The following JAM3 variants were observed in gnomAD, a reference collection of about 807,000 sequenced individuals.
JAM3 encodes the protein junctional adhesion molecule 3, also known as junctional adhesion molecule C.
Under a neutral mutation model 39.4 loss-of-function variants are expected in JAM3, and 31 were observed. The ratio of observed to expected loss-of-function variants is 0.79; its 90% CI spans 0.59 to 1.06. The LOEUF (loss-of-function observed/expected upper bound fraction) is 1.06, where lower values mean the gene tolerates loss of function less well. Among genes scored for constraint, JAM3 ranks in the 50% least tolerant of loss-of-function variants. The probability of loss-of-function intolerance (pLI) is 0.00; values close to 1 mark genes in which losing one functional copy is unlikely to be tolerated. For synonymous variants in JAM3, 182 were observed against 148.7 expected (o/e 1.22, Z -1.63); for missense variants, 455 against 391.4 (o/e 1.16, Z -1.37).
chr11:134,111,392 T>G (rs747170070), intron 1 of JAM3, among the ~76,000 whole-genome samples: 4 of 152,016 alleles, frequency 2.6e-5, no homozygotes, highest in African/African-American at 4.8e-5. Flanking sequence ...TCCGCCCACC[T>G]CGGCCTCCCA....
chr11:134,091,831 T>G (rs1295579439), intron 1 of JAM3, among the ~76,000 whole-genome samples: 3 of 120,320 alleles, frequency 2.5e-5, no homozygotes, highest in Non-Finnish European at 4.8e-5. Context: ...TGTTTGGGGG[T>G]GTGGGTTTTT....
chr11:134,133,776 C>T (rs929413021), intron 1 of JAM3, among the ~76,000 whole-genome samples: 1 of 152,128 alleles, frequency 6.6e-6, no homozygotes, highest in Non-Finnish European at 1.5e-5. Flanking sequence ...TTCCCCCCTA[C>T]ACACACACCT....
chr11:134,121,979 A>G (rs867673918), intron 1 of JAM3, among the ~76,000 whole-genome samples: 7 of 152,190 alleles, frequency 4.6e-5, no homozygotes, highest in Non-Finnish European at 7.3e-5. Context: ...TTGAGTCTAT[A>G]TTAATGGAAT....
rs968612725 is a variant in JAM3 at position 134,150,710 on chromosome 11, G to A, written c.*1529G>A. 2.6e-5 allele frequency: 4 copies of A among 152,044 alleles called. No homozygotes were observed. The highest frequency in any genetic ancestry group is 4.4e-5 in the Non-Finnish European group (3 of 68,016). The allele number at this position is 152,044 out of a possible 1,614,324, so 9.4% of individuals were successfully genotyped here. On this transcript the variant is annotated 3_prime_UTR_variant, in exon 9 of 9. Coordinates refer to ENST00000299106, the MANE Select transcript of JAM3 (RefSeq NM_032801.5). ...AGGCCAAAGGCAATTGCGAAATCAA[G>A]TCTGTCAAGTACAATAACATTTTTA...
At chr11:134,131,672 G>A (rs1942772764) in intron 1 of JAM3, among the ~76,000 whole-genome samples, 1 of 152,090 alleles carries the variant, frequency 6.6e-6, no homozygotes, top group Admixed American at 6.6e-5. Context: ...AACACCTAAG[G>A]GGAGAACATG....
chr11:134,108,929 T>G (rs1471862338), intron 1 of JAM3, among the ~76,000 whole-genome samples: 1 of 152,144 alleles, frequency 6.6e-6, no homozygotes, highest in Non-Finnish European at 1.5e-5. Context: ...ATATTATTGG[T>G]AGAAACCAGA....
At chr11:134,078,576 T>C (rs909240889) in intron 1 of JAM3, among the ~76,000 whole-genome samples, 1 of 152,096 alleles carries the variant, frequency 6.6e-6, no homozygotes, top group Non-Finnish European at 1.5e-5. Context: ...TTATGTGAGA[T>C]CTCGTTGTTG....
rs1943044244 is a variant in JAM3, at chr11:134,144,948, G to T, written c.566G>T (p.Arg189Ile). ...PLPTDSRANPRFRNSSFHLNS... is the reference protein window; with the variant it reads ...PLPTDSRANPIFRNSSFHLNS... ...CCCACGGATTCCAGAGCCAATCCCA[G>T]ATTTCGCAATTCTTCTTTCCACTTA... is the stretch of plus-strand genomic sequence containing the variant. Residue 189 changes from arginine (R) to isoleucine (I), a missense_variant, in exon 5 of 9, where the codon AGA becomes ATA. Coordinates refer to ENST00000299106, the MANE Select transcript of JAM3 (RefSeq NM_032801.5). 6.2e-7 allele frequency: 1 copy of T among 1,614,210 alleles called. No individual in the cohort carries two copies. The highest frequency in any genetic ancestry group is 1.3e-5 in the African/African-American group (1 of 75,060).
At chr11:134,103,255 C>T (rs2120691009) in intron 1 of JAM3, among the ~76,000 whole-genome samples, 1 of 152,180 alleles carries the variant, frequency 6.6e-6, no homozygotes, top group Non-Finnish European at 1.5e-5. Flanking sequence ...TCATATCCAG[C>T]CAAACTAAGC....
At chr11:134,124,224 T>C (rs1565497250) in intron 1 of JAM3, 4 of 1,358,356 alleles carry the variant, frequency 2.9e-6, no homozygotes, top group Admixed American at 3.4e-5. Flanking sequence ...TCCATACTTC[T>C]TAAGTTCCTC....
intron 1 of JAM3, chr11:134,124,389 TA>T (rs1942601592): frequency 3.2e-6 from 2 of 626,908 alleles, no homozygotes; most frequent in Non-Finnish European, 5.8e-6. Context: ...AAGAAATCAA[TA>T]AATCAAAATG....
intron 1 of JAM3, among the ~76,000 whole-genome samples, chr11:134,112,745 A>C (rs1413184617): frequency 3.3e-5 from 5 of 152,330 alleles, no homozygotes; most frequent in Admixed American, 1.3e-4. Context: ...GATCAACTCA[A>C]GTAGCAACTC....
intron 1 of JAM3, among the ~76,000 whole-genome samples, chr11:134,082,657 CAT>C (rs1941686343): frequency 6.6e-6 from 1 of 152,176 alleles, no homozygotes; most frequent in South Asian, 2.1e-4. Context: ...CCTTCCTAGC[CAT>C]GTGGAACTGT....
At chr11:134,140,036 T>G (rs909295579) in intron 2 of JAM3, 120 bp downstream of exon 2, 7 of 790,510 alleles carry the variant, frequency 8.9e-6, no homozygotes, top group Non-Finnish European at 1.3e-5. Context: ...CCGGGTGGAC[T>G]GCTCTGCGGT....
chr11:134,070,611 G>T (rs994517663), intron 1 of JAM3, among the ~76,000 whole-genome samples: 2 of 152,194 alleles, frequency 1.3e-5, no homozygotes, highest in Non-Finnish European at 2.9e-5. Flanking sequence ...AGGGTGTCAG[G>T]AATGTCCAGC....
At chr11:134,099,739 T>TG (rs1942041797) in intron 1 of JAM3, among the ~76,000 whole-genome samples, 1 of 152,162 alleles carries the variant, frequency 6.6e-6, no homozygotes, top group South Asian at 2.1e-4. Context: ...CCTGAGTAGC[T>TG]GGGATTACAG....
chr11:134,148,988 ACACAC>A (rs1943135174), intron 8 of JAM3, among the ~76,000 whole-genome samples, 153 bp from the exon 9 acceptor site: 1 of 149,822 alleles, frequency 6.7e-6, no homozygotes, highest in South Asian at 2.1e-4. Flanking sequence ...ACACACACAC[ACACAC>A]ACTAATGGGA....
chr11:134,094,316 G>A (rs1941934721), intron 1 of JAM3, among the ~76,000 whole-genome samples: 2 of 134,180 alleles, frequency 1.5e-5, no homozygotes, highest in South Asian at 2.6e-4. Flanking sequence ...TATTCATCAT[G>A]TTCCACCTTA....
intron 1 of JAM3, among the ~76,000 whole-genome samples, chr11:134,105,456 C>G (rs1031925614): frequency 2.6e-5 from 4 of 152,170 alleles, no homozygotes; most frequent in African/African-American, 9.7e-5. Flanking sequence ...GATGGATGCC[C>G]TCTCTCACCA....
Sources: gnomAD v4.1 joint callset for allele counts (sites outside exome capture counted in the v4.1 genomes callset) on GRCh38, gnomAD v4.1.1 for gene constraint, MANE v1.5 for transcripts, NCBI Gene and HGNC (gene_info 2026-07-23, HGNC 2026-07-21) for gene names.